Variants in PAIP1 observed in about 807,000 individuals in gnomAD.
PAIP1 encodes the protein polyadenylate-binding protein-interacting protein 1.
Under a neutral mutation model 61.3 loss-of-function variants are expected in PAIP1, and 16 were observed. That is an observed-to-expected ratio of 0.26 (90% CI 0.18 to 0.40). PAIP1 has a LOEUF of 0.40. Among genes scored for constraint, PAIP1 ranks in the 10% least tolerant of loss-of-function variants. The probability of loss-of-function intolerance (pLI) is 1.00; values close to 1 mark genes in which losing one functional copy is unlikely to be tolerated. For synonymous variants in PAIP1, 187 were observed against 226.2 expected (o/e 0.83, Z 1.56); for missense variants, 416 against 600.9 (o/e 0.69, Z 3.22).
intron 1 of PAIP1, chr5:43,556,250 T>C: frequency 3.1e-6 from 4 of 1,281,166 alleles, no homozygotes; most frequent in Non-Finnish European, 3.9e-6. Context: ...TCTGTCGTTT[T>C]AAAGGGGTCG....
chr5:43,535,301 T>G (rs1747098363), intron 7 of PAIP1, among the ~76,000 whole-genome samples: 1 of 152,226 alleles, frequency 6.6e-6, no homozygotes, highest in Non-Finnish European at 1.5e-5. Context: ...TTAAGAAAAT[T>G]AGCTTTTTCA....
chr5:43,539,621 G>C (rs1747317254), intron 4 of PAIP1, among the ~76,000 whole-genome samples: 1 of 152,124 alleles, frequency 6.6e-6, no homozygotes, highest in Admixed American at 6.5e-5. Context: ...CACCGGACTT[G>C]TTTTCTATTT....
intron 10 of PAIP1, among the ~76,000 whole-genome samples, chr5:43,529,450 C>G (rs1192260948): frequency 1.3e-5 from 2 of 152,054 alleles, no homozygotes; most frequent in Non-Finnish European, 2.9e-5. Context: ...GTCTCCCAAG[C>G]TGGAGTGCAG....
At chr5:43,547,042 C>CAAAAAAAAAAAAAAAAAAAAAAA (rs766493987) in intron 3 of PAIP1, among the ~76,000 whole-genome samples, 1 of 35,664 alleles carries the variant, frequency 2.8e-5, no homozygotes, top group Non-Finnish European at 4.6e-5. Flanking sequence ...GACTCCATAT[C>CAAAAAAAAAAAAAAAAAAAAAAA]AAAAAAAAAA....
intron 5 of PAIP1, among the ~76,000 whole-genome samples, chr5:43,538,360 A>T (rs1319284124): frequency 1.3e-5 from 2 of 152,140 alleles, no homozygotes; most frequent in African/African-American, 2.4e-5. Flanking sequence ...TAACACAAAA[A>T]AGTATGTCAA....
intron 3 of PAIP1, among the ~76,000 whole-genome samples, chr5:43,545,600 A>G (rs1358888291): frequency 6.6e-6 from 1 of 152,148 alleles, no homozygotes; most frequent in African/African-American, 2.4e-5. Flanking sequence ...TTGGAATTCA[A>G]CGTTAGATCT....
At position 43,557,012 on chromosome 5, in the gene PAIP1, G is replaced by C. The variant is rs1748127263; in HGVS notation, c.-166C>G. On this transcript the variant is annotated 5_prime_UTR_variant, in exon 1 of 11. Transcript: ENST00000306846. ...TCGGCTGCTCGGTGCTTCTGGCGGA[G>C]CGGACGGCAGCCCGAGCACCCGCCG... 1 of 1,177,382 alleles carries C rather than the reference G, an allele frequency of 8.5e-7. No individual in the cohort carries two copies. The allele number at this position is 1,177,382 out of a possible 1,614,324, so 72.9% of individuals were successfully genotyped here.
chr5:43,535,758 T>C (rs1051963073), intron 6 of PAIP1, 118 bp from the exon 7 acceptor site: 1 of 628,458 alleles, frequency 1.6e-6, no homozygotes, highest in African/African-American at 1.8e-5. Flanking sequence ...AAGTTTAATA[T>C]TCCTAATTAT....
At chr5:43,528,500 G>A (rs1746795766) in intron 10 of PAIP1, among the ~76,000 whole-genome samples, 2 of 152,126 alleles carry the variant, frequency 1.3e-5, no homozygotes, top group African/African-American at 2.4e-5. Context: ...AAACTTAAGA[G>A]GATAACCTGA....
intron 8 of PAIP1, among the ~76,000 whole-genome samples, chr5:43,534,572 A>G (rs1387504767): frequency 6.6e-6 from 1 of 152,202 alleles, no homozygotes; most frequent in African/African-American, 2.4e-5. Context: ...TTGGTTATAA[A>G]TTCTCTGGAA....
intron 3 of PAIP1, among the ~76,000 whole-genome samples, chr5:43,543,979 T>C (rs907755345): frequency 1.3e-5 from 2 of 151,624 alleles, no homozygotes; most frequent in Non-Finnish European, 2.9e-5. Context: ...ACCATCTCTA[T>C]AAAAAAATTT....
rs754923991 is a variant in PAIP1 at position 43,547,859 on chromosome 5, C to T, written c.490G>A (p.Asp164Asn). The change falls in exon 3 of 11, where the codon GAT (aspartate) becomes AAT (asparagine). Residue 164 changes from aspartate (D) to asparagine (N), a missense_variant. Transcript: ENST00000306846. The part of the protein sequence containing the change: ...DYPTLSEYVQ[D>N]FLNHLTEQPG... ...TGCTCTGTAAGATGATTCAAAAAAT[C>T]CTGAACATATTCTGATAGAGTAGGA... 12 of 1,612,448 alleles carry T rather than the reference C, an allele frequency of 7.4e-6. No homozygotes were observed. Among genetic ancestry groups the T allele is most frequent in the South Asian group, 4.4e-5 (4 of 91,002 alleles).
intron 2 of PAIP1, among the ~76,000 whole-genome samples, chr5:43,553,808 TCA>T (rs1328203138): frequency 1.3e-5 from 2 of 152,144 alleles, no homozygotes; most frequent in African/African-American, 4.8e-5. Flanking sequence ...AAATTAGAGC[TCA>T]CAGACTCCAT....
intron 2 of PAIP1, among the ~76,000 whole-genome samples, chr5:43,551,013 A>G (rs114107788): frequency 6.6e-6 from 1 of 152,290 alleles, no homozygotes; most frequent in African/African-American, 2.4e-5. Context: ...GAAAAAGACA[A>G]TAACTAGAAT....
chr5:43,530,920 G>T (rs535317570), intron 9 of PAIP1, among the ~76,000 whole-genome samples: 1 of 152,074 alleles, frequency 6.6e-6, no homozygotes, highest in Non-Finnish European at 1.5e-5. Context: ...GGCCCCATGT[G>T]AAACAGGAAA....
intron 3 of PAIP1, among the ~76,000 whole-genome samples, chr5:43,547,488 G>A (rs770827607): frequency 3.2e-4 from 48 of 152,062 alleles, no homozygotes; most frequent in Non-Finnish European, 6.5e-4. Context: ...TGGCTAAACA[G>A]GTGAATATTA....
chr5:43,527,224 G>GA lies in PAIP1; in HGVS notation c.*151dup, dbSNP rs1189600319. 1 of 468,532 alleles carries GA rather than the reference G, an allele frequency of 2.1e-6. No individual in the cohort carries two copies. Among genetic ancestry groups the GA allele is most frequent in the Non-Finnish European group, 3.7e-6 (1 of 270,140 alleles). The allele number at this position is 468,532 out of a possible 1,614,324, so 29.0% of individuals were successfully genotyped here. ...ATAGGGAATAAAGTTTATTTTGGCA[G>GA]ATAGTGTTAAACAAAATTAAAGTTG... On this transcript the variant is annotated 3_prime_UTR_variant, in exon 11 of 11. Coordinates refer to ENST00000306846, the MANE Select transcript of PAIP1 (RefSeq NM_006451.5).
At chr5:43,551,719 T>A (rs187113324) in intron 2 of PAIP1, among the ~76,000 whole-genome samples, 18 of 151,044 alleles carry the variant, frequency 1.2e-4, no homozygotes, top group African/African-American at 3.9e-4. Flanking sequence ...GTGGCAAAAA[T>A]GCTGCTTAGA....
intron 2 of PAIP1, among the ~76,000 whole-genome samples, chr5:43,553,683 G>C (rs1370115447): frequency 6.6e-6 from 1 of 152,180 alleles, no homozygotes; most frequent in Admixed American, 6.5e-5. Flanking sequence ...CCTTAACTAT[G>C]GGTAAAGATT....
Sources: gnomAD v4.1 joint callset for allele counts (sites outside exome capture counted in the v4.1 genomes callset) on GRCh38, gnomAD v4.1.1 for gene constraint, MANE v1.5 for transcripts, NCBI Gene and HGNC (gene_info 2026-07-23, HGNC 2026-07-21) for gene names.